SMARCB1: variants seen among roughly 807,000 people sequenced by gnomAD.
SMARCB1 encodes the protein SWI/SNF-related matrix-associated actin-dependent regulator of chromatin subfamily B member 1.
In SMARCB1, 5 loss-of-function variants were observed where a neutral mutation model predicts 49.0. The observed-to-expected ratio is 0.10, with a 90% CI of 0.05 to 0.21. The LOEUF (loss-of-function observed/expected upper bound fraction) is 0.21, where lower values mean the gene tolerates loss of function less well. Among genes scored for constraint, SMARCB1 ranks in the 10% least tolerant of loss-of-function variants. The pLI is 1.00. For synonymous variants in SMARCB1, 201 were observed against 200.1 expected (o/e 1.00, Z -0.04); for missense variants, 226 against 509.2 (o/e 0.44, Z 5.35).
chr22:23,825,870 C>T lies in SMARCB1; in HGVS notation c.986+455C>T, dbSNP rs183695739. ...TTTGAGAGTCAGGGGTCCCTAGCAG[C>T]TCCTTCTTACTCTAGTATCTCTGCC... On this transcript the variant is annotated intron_variant, in intron 7 of 8. Coordinates refer to ENST00000644036, the MANE Select transcript of SMARCB1 (RefSeq NM_003073.5). 326 of 174,318 alleles carry T rather than the reference C, an allele frequency of 1.9e-3. 1 individual carries two copies. Among genetic ancestry groups the T allele is most frequent in the African/African-American group, 7.5e-3 (316 of 42,178 alleles). 10.8% of individuals were successfully genotyped at this position (174,318 alleles called of 1,614,324 possible).
At chr22:23,802,780 G>A (rs1466832964) in intron 4 of SMARCB1, 1 of 270,772 alleles carries the variant, frequency 3.7e-6, no homozygotes, top group Admixed American at 5.0e-5. Context: ...CTCCCTCAGG[G>A]CAGTGGCCAG....
chr22:23,804,740 C>T (rs537316297), intron 5 of SMARCB1, among the ~76,000 whole-genome samples: 10 of 152,314 alleles, frequency 6.6e-5, no homozygotes, highest in African/African-American at 2.2e-4. Flanking sequence ...GATAGGGTTT[C>T]ACCATGTTAG....
At chr22:23,792,963 C>G (rs1475755511) in intron 2 of SMARCB1, 1 of 172,090 alleles carries the variant, frequency 5.8e-6, no homozygotes, top group African/African-American at 2.4e-5. Flanking sequence ...ACGGAGATTC[C>G]CCGGAAGAGC....
chr22:23,795,452 T>G (rs1242915393), intron 3 of SMARCB1, among the ~76,000 whole-genome samples: 1 of 151,964 alleles, frequency 6.6e-6, no homozygotes, highest in Non-Finnish European at 1.5e-5. Context: ...GGTCAGGAGT[T>G]CGAGACCAGC....
chr22:23,834,429 GTTGTGTT>G lies in SMARCB1; in HGVS notation c.*254_*260del. The G allele has an allele frequency of 1.5e-6, 1 of 681,998 alleles. No individual in the cohort carries two copies. The highest frequency in any genetic ancestry group is 1.5e-5 in the South Asian group (1 of 66,236). 42.2% of individuals were successfully genotyped at this position (681,998 alleles called of 1,614,324 possible). A position where few individuals can be genotyped will look rare whatever the true frequency, so the allele number is the denominator to read the frequency against. On this transcript the variant is annotated 3_prime_UTR_variant, in exon 9 of 9. Transcript: ENST00000644036. Reference sequence around the variant, plus strand: ...GGGTCAGGAAGAAACCTTATTTTAGGTTGTGTTTTGTTTTTGTATAGGAGCCCCAGGC... The same window carrying G: ...GGGTCAGGAAGAAACCTTATTTTAGGTTGTTTTTGTATAGGAGCCCCAGGC...
At position 23,834,825 on chromosome 22, in the gene SMARCB1, C is replaced by T. The variant is rs2030908000; in HGVS notation, c.*645C>T. 8 of 1,610,398 alleles carry T rather than the reference C, an allele frequency of 5.0e-6. No homozygotes were observed. The highest frequency in any genetic ancestry group is 1.1e-5 in the South Asian group (1 of 90,696). On this transcript the variant is annotated 3_prime_UTR_variant, in exon 9 of 9. Coordinates refer to ENST00000644036, the MANE Select transcript of SMARCB1 (RefSeq NM_003073.5). ...CCCTAACCCTGCTCCCCTTGCTTGG[C>T]CTCAGGAAGGTGCCGCGAGCTCTCC... is the stretch of plus-strand genomic sequence containing the variant.
intron 5 of SMARCB1, among the ~76,000 whole-genome samples, chr22:23,809,945 C>G (rs1483360165): frequency 6.6e-6 from 1 of 150,552 alleles, no homozygotes; most frequent in Non-Finnish European, 1.5e-5. Context: ...CCGAGGCGGG[C>G]GGATCACGAG....
intron 5 of SMARCB1, among the ~76,000 whole-genome samples, chr22:23,813,653 C>G (rs996865525): frequency 6.6e-6 from 1 of 152,134 alleles, no homozygotes; most frequent in Non-Finnish European, 1.5e-5. Context: ...AATAAGTAGA[C>G]ATATCATATT....
chr22:23,837,329 A>G lies in SMARCB1; in HGVS notation c.*3149A>G. 1.2e-6 allele frequency: 1 copy of G among 832,276 alleles called. No homozygotes were observed. Among genetic ancestry groups the G allele is most frequent in the Non-Finnish European group, 1.9e-6 (1 of 528,926 alleles). 51.6% of individuals were successfully genotyped at this position (832,276 alleles called of 1,614,324 possible). On this transcript the variant is annotated 3_prime_UTR_variant, in exon 9 of 9. Coordinates refer to ENST00000644036, the MANE Select transcript of SMARCB1 (RefSeq NM_003073.5). Reference sequence around the variant, plus strand: ...GGGTTGGCCGTGAAGGACAAGCTTAAAAGGCCCAGAAGCAGGCAGGACCCA... The same window carrying G: ...GGGTTGGCCGTGAAGGACAAGCTTAGAAGGCCCAGAAGCAGGCAGGACCCA...
intron 3 of SMARCB1, among the ~76,000 whole-genome samples, chr22:23,795,860 G>A (rs1244337579): frequency 7.5e-5 from 11 of 146,068 alleles, no homozygotes; most frequent in South Asian, 4.6e-4. Context: ...GCATGATGTC[G>A]GCTCACTGCA....
intron 7 of SMARCB1, among the ~76,000 whole-genome samples, chr22:23,831,403 T>C (rs1223616980): frequency 6.6e-6 from 1 of 152,122 alleles, no homozygotes; most frequent in Non-Finnish European, 1.5e-5. Flanking sequence ...CTGGACACTT[T>C]GGGTGGTAGG....
rs929630790 is a variant in SMARCB1, at chr22:23,810,544, A to AG, written c.629-6226_629-6225insG. 8.0e-5 allele frequency among the ~76,000 whole-genome samples: 12 copies of AG among 150,722 alleles called. No individual in the cohort carries two copies. In the South Asian group the frequency reaches 1.5e-3, roughly 18 times the overall value. Reference sequence around the variant, plus strand: ...CTCTGTCTCAAAAAAAAAAAAAAAAAAAAGAAAGAAAGGAAAAGATTAAAG... The same window carrying AG: ...CTCTGTCTCAAAAAAAAAAAAAAAAAGAAAGAAAGAAAGGAAAAGATTAAAG... On this transcript the variant is annotated intron_variant, in intron 5 of 8. Coordinates refer to ENST00000644036, the MANE Select transcript of SMARCB1 (RefSeq NM_003073.5).
In SMARCB1 at chr22:23,836,814, T is replaced by C; in HGVS notation, c.*2634T>C. The stretch of plus-strand genomic sequence containing the variant: ...GGGTTTTTTCTGCCCCAAGTAGGGG[T>C]CATGGGTAGGATGGAAGCTGCCAGA... On this transcript the variant is annotated 3_prime_UTR_variant, in exon 9 of 9. Coordinates refer to ENST00000644036, the MANE Select transcript of SMARCB1 (RefSeq NM_003073.5). The C allele has an allele frequency of 7.0e-7, 1 of 1,425,680 alleles. No homozygotes were observed. Among genetic ancestry groups the C allele is most frequent in the Non-Finnish European group, 9.2e-7 (1 of 1,088,698 alleles). The allele number at this position is 1,425,680 out of a possible 1,614,324, so 88.3% of individuals were successfully genotyped here. A position where few individuals can be genotyped will look rare whatever the true frequency, so the allele number is the denominator to read the frequency against.
intron 4 of SMARCB1, 172 bp from the exon 5 acceptor site, chr22:23,803,123 C>A: frequency 1.3e-6 from 1 of 779,778 alleles, no homozygotes; most frequent in Admixed American, 1.8e-5. Flanking sequence ...CCCATTAGAC[C>A]GTGGCCCCGG....
At chr22:23,788,675 G>C (rs1928170375) in intron 1 of SMARCB1, among the ~76,000 whole-genome samples, 1 of 152,158 alleles carries the variant, frequency 6.6e-6, no homozygotes, top group African/African-American at 2.4e-5. Flanking sequence ...CAAAGTGCTG[G>C]AATGACAGGT....
chr22:23,830,649 C>CTTTTTTTTTTTTTTTTTTT lies in SMARCB1; in HGVS notation c.987-2908_987-2890dup, dbSNP rs56800497. Among the ~76,000 whole-genome samples, 74 of 95,412 alleles carry CTTTTTTTTTTTTTTTTTTT rather than the reference C, an allele frequency of 7.8e-4. 5 individuals carry two copies. The highest frequency in any genetic ancestry group is 6.4e-3 in the Middle Eastern group (1 of 156). 62.6% of individuals were successfully genotyped at this position (95,412 alleles called of 152,430 possible). A position where few individuals can be genotyped will look rare whatever the true frequency, so the allele number is the denominator to read the frequency against. ...TTCATTTTGATGTAGTCCAATTTAT[C>CTTTTTTTTTTTTTTTTTTT]TTTTTTTTTTTTTTTTTTTTTTTTT... On this transcript the variant is annotated intron_variant, in intron 7 of 8. Coordinates refer to ENST00000644036, the MANE Select transcript of SMARCB1 (RefSeq NM_003073.5).
rs769019980 is a variant in SMARCB1, at chr22:23,837,647, C to A, written c.*3467C>A. ...CCAGCCTGGGGCGGACTAGATGTAC[C>A]GGGAGGCTCACCCAGCAGGTCCACG... On this transcript the variant is annotated 3_prime_UTR_variant, in exon 9 of 9. Coordinates refer to ENST00000644036, the MANE Select transcript of SMARCB1 (RefSeq NM_003073.5). 1 of 1,609,552 alleles carries A rather than the reference C, an allele frequency of 6.2e-7. No individual in the cohort carries two copies. Among genetic ancestry groups the A allele is most frequent in the Non-Finnish European group, 8.5e-7 (1 of 1,177,240 alleles).
chr22:23,797,978 C>T (rs1928885079), intron 3 of SMARCB1, among the ~76,000 whole-genome samples: 1 of 152,190 alleles, frequency 6.6e-6, no homozygotes, highest in Non-Finnish European at 1.5e-5. Flanking sequence ...GCATGTTACT[C>T]ACATTCACTG....
Position 23,837,635 on chromosome 22 carries a change from G to A in SMARCB1, c.*3455G>A, listed in dbSNP as rs1317563015. ...TGAGGGGAGTGGCCAGCCTGGGGCG[G>A]ACTAGATGTACCGGGAGGCTCACCC... is the stretch of plus-strand genomic sequence containing the variant. On this transcript the variant is annotated 3_prime_UTR_variant, in exon 9 of 9. Coordinates refer to ENST00000644036, the MANE Select transcript of SMARCB1 (RefSeq NM_003073.5). The A allele has an allele frequency of 3.1e-6, 5 of 1,606,204 alleles. No individual in the cohort carries two copies. Among genetic ancestry groups the A allele is most frequent in the Non-Finnish European group, 3.4e-6 (4 of 1,175,048 alleles).
Sources: gnomAD v4.1 joint callset for allele counts (sites outside exome capture counted in the v4.1 genomes callset) on GRCh38, gnomAD v4.1.1 for gene constraint, MANE v1.5 for transcripts, NCBI Gene and HGNC (gene_info 2026-07-23, HGNC 2026-07-21) for gene names.